The following ADAMTS17 variants were observed in gnomAD, a reference collection of about 807,000 sequenced individuals.
ADAMTS17 encodes ADAM metallopeptidase with thrombospondin type 1 motif 17.
In ADAMTS17, 113 loss-of-function variants were observed where a neutral mutation model predicts 141.5. That is an observed-to-expected ratio of 0.80 (90% confidence interval 0.69 to 0.93). The LOEUF (loss-of-function observed/expected upper bound fraction) is 0.93. Ranked by LOEUF, ADAMTS17 falls within the 40% of genes least tolerant of loss-of-function variation. The pLI is 0.00. For synonymous variants in ADAMTS17, 768 were observed against 630.6 expected (o/e 1.22, Z -3.27); for missense variants, 1,659 against 1,517.9 (o/e 1.09, Z -1.54).
At chr15:100,159,845 A>G (rs575596948) in intron 8 of ADAMTS17, among the ~76,000 whole-genome samples, 1 of 152,338 alleles carries the variant, frequency 6.6e-6, no homozygotes, top group East Asian at 1.9e-4. Context: ...CCTTCATTGT[A>G]TCAACGATGT....
chr15:100,284,124 CA>C (rs2044372336), intron 3 of ADAMTS17, among the ~76,000 whole-genome samples: 3 of 152,094 alleles, frequency 2.0e-5, no homozygotes, highest in South Asian at 4.2e-4. Context: ...AACAAACAAA[CA>C]AACAAACAAA....
At chr15:100,190,369 T>C (rs2040872360) in intron 8 of ADAMTS17, among the ~76,000 whole-genome samples, 2 of 151,996 alleles carry the variant, frequency 1.3e-5, no homozygotes, top group South Asian at 2.1e-4. Flanking sequence ...TCGCACAAAG[T>C]GAGAGCAAGC....
At chr15:100,213,979 C>G (rs1249261804) in intron 7 of ADAMTS17, among the ~76,000 whole-genome samples, 2 of 152,218 alleles carry the variant, frequency 1.3e-5, no homozygotes, top group Non-Finnish European at 2.9e-5. Context: ...CAAAAGAAAG[C>G]AAGCTGCTGA....
intron 18 of ADAMTS17, among the ~76,000 whole-genome samples, chr15:100,013,254 A>T (rs768348583): frequency 1.3e-5 from 2 of 152,132 alleles, no homozygotes; most frequent in Non-Finnish European, 2.9e-5. Flanking sequence ...AACTTTGCTG[A>T]ATTCTTTGAT....
Position 100,341,874 on chromosome 15 carries a change from G to A in ADAMTS17, c.26C>T (p.Pro9Leu), listed in dbSNP as rs1416074401. 1.3e-6 allele frequency: 2 copies of A among 1,551,964 alleles called. No homozygotes were observed. The highest frequency in any genetic ancestry group is 2.4e-5 in the East Asian group (1 of 41,020). The stretch of plus-strand genomic sequence containing the variant: ...CAGCAGCAGCACGGGCAGGACGAGC[G>A]GAGGCAGCAGGGCGCCGTCACACAT... MCDGALLPPLVLPVLLLLV... is the reference protein window; with the variant it reads MCDGALLPLLVLPVLLLLV... Residue 9 changes from proline (P) to leucine (L), a missense_variant, in exon 1 of 22, where the codon CCG becomes CTG. Coordinates refer to ENST00000268070, the MANE Select transcript of ADAMTS17 (RefSeq NM_139057.4).
At chr15:100,263,368 A>C (rs2142002165) in intron 4 of ADAMTS17, among the ~76,000 whole-genome samples, 1 of 152,320 alleles carries the variant, frequency 6.6e-6, no homozygotes, top group Non-Finnish European at 1.5e-5. Context: ...TGTCCAGCCA[A>C]AAGGTCCACA....
At chr15:100,295,501 T>A (rs2044777239) in intron 3 of ADAMTS17, among the ~76,000 whole-genome samples, 1 of 152,108 alleles carries the variant, frequency 6.6e-6, no homozygotes, top group Non-Finnish European at 1.5e-5. Context: ...GGACCCAGCC[T>A]CCCCATGCTC....
intron 8 of ADAMTS17, among the ~76,000 whole-genome samples, chr15:100,163,817 T>A (rs2039837707): frequency 6.6e-6 from 1 of 152,220 alleles, no homozygotes; most frequent in South Asian, 2.1e-4. Flanking sequence ...CACCCTTACT[T>A]TAGACTCTCG....
intron 2 of ADAMTS17, among the ~76,000 whole-genome samples, chr15:100,339,611 TCCCCG>T (rs2046304946): frequency 7.7e-6 from 1 of 129,732 alleles, no homozygotes; most frequent in Non-Finnish European, 1.6e-5. Flanking sequence ...AGGTCCACAT[TCCCCG>T]CCCCAGGTCC....
intron 4 of ADAMTS17, among the ~76,000 whole-genome samples, chr15:100,278,880 G>T (rs903898089): frequency 7.9e-5 from 12 of 152,128 alleles, no homozygotes; most frequent in Non-Finnish European, 1.6e-4. Flanking sequence ...GTGTGACCCT[G>T]GCAATGTCCC....
intron 15 of ADAMTS17, chr15:100,074,186 T>G (rs1158175309): frequency 6.5e-6 from 1 of 153,012 alleles, no homozygotes; most frequent in African/African-American, 2.4e-5. Flanking sequence ...GGTGCGGCCG[T>G]AGTCATTTTT....
At position 99,973,536 on chromosome 15, in the gene ADAMTS17, G is replaced by C. The variant is rs1226799627; in HGVS notation, c.*866C>G. ...TGGATGTTCCCGGAAGGCGGGGCAG[G>C]TGCCCATCCGCCCCAGTGAAGCTGG... is the stretch of plus-strand genomic sequence containing the variant. On this transcript the variant is annotated 3_prime_UTR_variant, in exon 22 of 22. Transcript: ENST00000268070. The C allele has an allele frequency of 3.9e-5, 6 of 152,352 alleles. No individual in the cohort carries two copies. The highest frequency in any genetic ancestry group is 3.9e-4 in the Admixed American group (6 of 15,284). The allele number at this position is 152,352 out of a possible 1,614,324, so 9.4% of individuals were successfully genotyped here.
intron 8 of ADAMTS17, among the ~76,000 whole-genome samples, chr15:100,165,563 C>T (rs180696702): frequency 6.6e-6 from 1 of 152,216 alleles, no homozygotes; most frequent in African/African-American, 2.4e-5. Context: ...CCAATGCAGG[C>T]AAACGGCCTT....
In ADAMTS17 at chr15:100,212,563, C is replaced by T. The variant is rs1001161784; in HGVS notation, c.1076-13140G>A. ...TCAGAAAGGTTAAAAACACTAAACA[C>T]AGGAATCCCAGAATGTAATCAAAGA... On this transcript the variant is annotated intron_variant, in intron 7 of 21. Transcript: ENST00000268070. Among the ~76,000 whole-genome samples, 4 of 151,892 alleles carry T rather than the reference C, an allele frequency of 2.6e-5. No homozygotes were observed. The East Asian group carries it at 7.7e-4, about 29-fold the overall frequency.
At chr15:100,111,102 C>G (rs941579618) in intron 13 of ADAMTS17, among the ~76,000 whole-genome samples, 1 of 152,160 alleles carries the variant, frequency 6.6e-6, no homozygotes, top group African/African-American at 2.4e-5. Flanking sequence ...TGAAGCCTCC[C>G]AGGTAAGGGG....
At chr15:100,271,398 T>A (rs2043905820) in intron 4 of ADAMTS17, among the ~76,000 whole-genome samples, 1 of 152,056 alleles carries the variant, frequency 6.6e-6, no homozygotes, top group Non-Finnish European at 1.5e-5. Context: ...CTGTTTTGTT[T>A]TGGTGTTTTA....
At chr15:100,295,519 G>A (rs1191904908) in intron 3 of ADAMTS17, among the ~76,000 whole-genome samples, 1 of 152,288 alleles carries the variant, frequency 6.6e-6, no homozygotes, top group East Asian at 1.9e-4. Flanking sequence ...CTCCCTCAGA[G>A]GTGCAGCCAT....
At chr15:100,251,739 A>G (rs1165937078) in intron 7 of ADAMTS17, among the ~76,000 whole-genome samples, 1 of 152,250 alleles carries the variant, frequency 6.6e-6, no homozygotes, top group African/African-American at 2.4e-5. Context: ...CTCTACCTCA[A>G]CAACAAAAAA....
chr15:100,026,309 G>C (rs936651986), intron 18 of ADAMTS17, among the ~76,000 whole-genome samples: 2 of 152,224 alleles, frequency 1.3e-5, no homozygotes, highest in Non-Finnish European at 2.9e-5. Context: ...CATTTGGGTT[G>C]TTTCAGGTTT....
Sources: gnomAD v4.1 joint callset for allele counts (sites outside exome capture counted in the v4.1 genomes callset) on GRCh38, gnomAD v4.1.1 for gene constraint, MANE v1.5 for transcripts, NCBI Gene and HGNC (gene_info 2026-07-23, HGNC 2026-07-21) for gene names.